TTN: variants seen among roughly 807,000 people sequenced by gnomAD.
TTN encodes the protein titin.
TTN carries 1,525 observed loss-of-function variants against 3,223.0 expected under a neutral mutation model. That is an observed-to-expected ratio of 0.47 (90% CI 0.45 to 0.49). The LOEUF (loss-of-function observed/expected upper bound fraction) is 0.49. TTN is among the 20% of genes least tolerant of loss of function. The pLI, the probability that TTN is intolerant of heterozygous loss-of-function variation, is 0.00. For synonymous variants in TTN, 14,094 were observed against 15,161.0 expected (o/e 0.93, Z 5.17); for missense variants, 40,786 against 43,424.0 (o/e 0.94, Z 5.40).
rs758389457 is a variant in TTN at position 178,611,398 on chromosome 2, T to C, written c.50831A>G (p.Glu16944Gly). 6.2e-7 allele frequency: 1 copy of C among 1,612,848 alleles called. No individual in the cohort carries two copies. Among genetic ancestry groups the C allele is most frequent in the South Asian group, 1.1e-5 (1 of 91,056 alleles). ...IGVSEPSEIS[E>G]NVVAKDPDCK... ...GTCTGGGTCTTTGGCAACCACATTT[T>C]CAGAGATTTCAGATGGCTCGCTGAC... The change falls in exon 269 of 363, where the codon GAA becomes GGA. Residue 16944 changes from glutamate (E) to glycine (G), a missense_variant. Physicochemically the swap from Glu to Gly is moderately conservative, Grantham distance 98. Transcript: ENST00000589042.
chr2:178,740,754 G>GT lies in TTN; in HGVS notation c.12478dup (p.Thr4160AsnfsTer11). On this transcript the variant is annotated frameshift_variant, in exon 48 of 363. Transcript: ENST00000589042. LOFTEE classifies it high-confidence loss of function. ...CATTAGAATACCTTCTTTGGAGAAG[G>GT]TTTTCTGGGACTGTACAATCTGCAG... 3.1e-6 allele frequency: 5 copies of GT among 1,613,740 alleles called. No homozygotes were observed. Among genetic ancestry groups the GT allele is most frequent in the Non-Finnish European group, 4.2e-6 (5 of 1,179,808 alleles).
At position 178,728,944 on chromosome 2, in the gene TTN, T is replaced by C. The variant is rs762632541; in HGVS notation, c.19094A>G (p.Gln6365Arg). The C allele has an allele frequency of 6.2e-7, 1 of 1,612,170 alleles. No homozygotes were observed. Among genetic ancestry groups the C allele is most frequent in the East Asian group, 2.2e-5 (1 of 44,780 alleles). Residue 6365 changes from glutamine (Q) to arginine (R), a missense_variant, in exon 65 of 363, where the codon CAA becomes CGA. By Grantham distance (43) the Gln-to-Arg change is conservative. Coordinates refer to ENST00000589042, the MANE Select transcript of TTN (RefSeq NM_001267550.2). ...CTCAACTCCTGACTCATTCTTGGCT[T>C]GACAGGTATATCTCCCACTGTGTCC... ...DNGHSGRYTC[Q>R]AKNESGVERC...
rs2093434288 is a variant in TTN, at chr2:178,790,618, A to C, written c.1800+90T>G. 4 of 1,595,274 alleles carry C rather than the reference A, an allele frequency of 2.5e-6. No individual in the cohort carries two copies. The Admixed American group carries it at 6.7e-5, about 27-fold the overall frequency. On this transcript the variant is annotated intron_variant, in intron 11 of 362. Transcript: ENST00000589042. Reference sequence around the variant, plus strand: ...ATTATAAGAAGAGGTGGAAGTGAAGAAGTGATGATTAAGATCCATGATGAA... The same window carrying C: ...ATTATAAGAAGAGGTGGAAGTGAAGCAGTGATGATTAAGATCCATGATGAA...
At chr2:178,747,879 G>T in intron 47 of TTN, 1 of 1,613,070 alleles carries the variant, frequency 6.2e-7, no homozygotes, top group African/African-American at 1.3e-5. Context: ...CCTGGATTCT[G>T]TTGTTCTTCA....
At position 178,740,918 on chromosome 2, in the gene TTN, A is replaced by G. The variant is rs761991185; in HGVS notation, c.12315T>C (p.Ser4105=). 6.2e-7 allele frequency: 1 copy of G among 1,613,908 alleles called. No homozygotes were observed. Among genetic ancestry groups the G allele is most frequent in the Non-Finnish European group, 8.5e-7 (1 of 1,179,844 alleles). The change falls in exon 48 of 363, where the codon AGT becomes AGC. Residue 4105 remains serine (S), a synonymous_variant. Coordinates refer to ENST00000589042, the MANE Select transcript of TTN (RefSeq NM_001267550.2). ...EHIAKANELS[S]QLPLGAQELQ... is the part of the protein sequence containing the mutation. ...ATTCCTGAGCTCCCAAAGGAAGCTG[A>G]CTGCTCAATTCATTGGCTTTAGCAA... is the stretch of plus-strand genomic sequence containing the variant.
chr2:178,531,886 C>G lies in TTN; in HGVS notation c.104729G>C (p.Arg34910Thr). 6.2e-7 allele frequency: 1 copy of G among 1,612,826 alleles called. No homozygotes were observed. Among genetic ancestry groups the G allele is most frequent in the Non-Finnish European group, 8.5e-7 (1 of 1,179,310 alleles). Residue 34910 changes from arginine to threonine, a missense_variant, in exon 358 of 363, where the codon AGG becomes ACG. Arg to Thr is a moderately conservative substitution (Grantham distance 71, BLOSUM62 -1). Coordinates refer to ENST00000589042, the MANE Select transcript of TTN (RefSeq NM_001267550.2). ...TAAAGCAGCTTTCATGGACTCATAC[C>G]TGGAAAAGATATCAAATCTTGCAGA... ...ERSARFDIFS[R>T]YESMKAALKT...
rs544542600 is a variant in TTN, at chr2:178,749,410, T to C, written c.11311+3714A>G. The C allele has an allele frequency of 3.9e-4, 625 of 1,613,146 alleles. 11 individuals are homozygous for C. In the South Asian group the frequency reaches 6.1e-3, roughly 16 times the overall value. ...CATGCACAAATCTGGGAATTTTTTC[T>C]CTAGAAGGTATGCAACGCACCTGCT... is the stretch of plus-strand genomic sequence containing the variant. On this transcript the variant is annotated intron_variant, in intron 47 of 362. Coordinates refer to ENST00000589042, the MANE Select transcript of TTN (RefSeq NM_001267550.2).
chr2:178,793,489 TCGG>T lies in TTN; in HGVS notation c.1448_1450del (p.Ala483del). On this transcript the variant is annotated inframe_deletion, in exon 9 of 363. Coordinates refer to ENST00000589042, the MANE Select transcript of TTN (RefSeq NM_001267550.2). ...TTTTAATTCTTGTTCCTTGGCTTTA[TCGG>T]CGGCCACTACTACCTTAGTTACAGC... is the stretch of plus-strand genomic sequence containing the variant. 6.2e-7 allele frequency: 1 copy of T among 1,614,188 alleles called. No individual in the cohort carries two copies. Among genetic ancestry groups the T allele is most frequent in the African/African-American group, 1.3e-5 (1 of 75,066 alleles).
At position 178,574,299 on chromosome 2, in the gene TTN, A is replaced by G. The variant is rs553796385; in HGVS notation, c.71833T>C (p.Trp23945Arg). The G allele has an allele frequency of 5.6e-6, 9 of 1,613,482 alleles. No homozygotes were observed. The South Asian group carries it at 9.9e-5, about 18-fold the overall frequency. ...CCCCCAGTATATTCAGGCTTAGCCC[A>G]TTTAAGTGTTACTGTGTGTCTTGTA... ...NITRHTVTLK[W>R]AKPEYTGGFK... Residue 23945 changes from tryptophan (W) to arginine (R), a missense_variant, in exon 326 of 363, where the codon TGG becomes CGG. Trp to Arg is a moderately radical substitution (Grantham distance 101). Transcript: ENST00000589042.
At chr2:178,803,667 A>G (rs1231959074) in intron 2 of TTN, among the ~76,000 whole-genome samples, 1 of 152,062 alleles carries the variant, frequency 6.6e-6, no homozygotes. Flanking sequence ...GAAGTGGGCA[A>G]TGAACCATGG....
Position 178,590,868 on chromosome 2 carries a change from T to C in TTN, c.60857A>G (p.Asn20286Ser), listed in dbSNP as rs553761018. 1.2e-6 allele frequency: 2 copies of C among 1,609,894 alleles called. No individual in the cohort carries two copies. The highest frequency in any genetic ancestry group is 1.7e-6 in the Non-Finnish European group (2 of 1,176,644). The part of the protein sequence containing the change: ...GKPVVTDITE[N>S]AATVSWTLPK... Reference sequence around the variant, plus strand: ...CAGGGTCCAAGACACTGTTGCTGCATTTTCAGTAATGTCAGTAACCACTGG... The same window carrying C: ...CAGGGTCCAAGACACTGTTGCTGCACTTTCAGTAATGTCAGTAACCACTGG... Residue 20286 changes from asparagine to serine, a missense_variant, in exon 304 of 363, where the codon AAT becomes AGT. Coordinates refer to ENST00000589042, the MANE Select transcript of TTN (RefSeq NM_001267550.2).
rs770705426 is a variant in TTN, at chr2:178,711,900, C to A, written c.27886+44G>T. On this transcript the variant is annotated intron_variant, in intron 96 of 362. Transcript: ENST00000589042. ...CTCCCCAGACATTTTAAATCTTGTT[C>A]AAAAGAAACACAAATTCGTTCACTT... is the stretch of plus-strand genomic sequence containing the variant. The A allele has an allele frequency of 3.9e-6, 6 of 1,521,680 alleles. No homozygotes were observed. In the South Asian group the frequency reaches 5.6e-5, roughly 14 times the overall value. The allele number at this position is 1,521,680 out of a possible 1,614,324, so 94.3% of individuals were successfully genotyped here. A position where few individuals can be genotyped will look rare whatever the true frequency, so the allele number is the denominator to read the frequency against.
chr2:178,597,648 C>G lies in TTN; in HGVS notation c.57434G>C (p.Ser19145Thr), dbSNP rs2154189870. 1.2e-6 allele frequency: 2 copies of G among 1,613,282 alleles called. No homozygotes were observed. The highest frequency in any genetic ancestry group is 1.3e-5 in the African/African-American group (1 of 75,006). ...QEATIETTAI[S>T]SSMVIKNCQR... ...GCAGTTCTTGATGACCATGGATGAG[C>G]TAATGGCTGTGGTCTCAATGGTGGC... is the stretch of plus-strand genomic sequence containing the variant. The change falls in exon 294 of 363, where the codon AGC becomes ACC. Residue 19145 changes from serine (S) to threonine (T), a missense_variant. By Grantham distance (58) the Ser-to-Thr change is moderately conservative (BLOSUM62 1). Coordinates refer to ENST00000589042, the MANE Select transcript of TTN (RefSeq NM_001267550.2).
At chr2:178,742,630 T>C (rs1266773757) in intron 47 of TTN, among the ~76,000 whole-genome samples, 2 of 152,118 alleles carry the variant, frequency 1.3e-5, no homozygotes, top group Admixed American at 1.3e-4. Context: ...AGAAAACCTA[T>C]ACAGAACCAC....
rs1369997735 is a variant in TTN, at chr2:178,573,829, G to T, written c.72303C>A (p.Thr24101=). ...DSTRRDSGAY[T]LTATNPGGFA... is the part of the protein sequence containing the mutation. ...AGCCACCAGGATTAGTCGCTGTAAGGGTATAGGCACCACTATCCCTTCTTG... is the reference window on the plus strand; with the variant it reads ...AGCCACCAGGATTAGTCGCTGTAAGTGTATAGGCACCACTATCCCTTCTTG... Residue 24101 remains threonine (T), a synonymous_variant, in exon 326 of 363, where the codon ACC becomes ACA. Transcript: ENST00000589042. 6.2e-7 allele frequency: 1 copy of T among 1,612,342 alleles called. No homozygotes were observed. Among genetic ancestry groups the T allele is most frequent in the East Asian group, 2.2e-5 (1 of 44,738 alleles).
intron 168 of TTN, 50 bp from the exon 169 acceptor site, chr2:178,664,148 A>G (rs2065402403): frequency 2.0e-6 from 3 of 1,514,114 alleles, no homozygotes; most frequent in East Asian, 2.3e-5. Flanking sequence ...AGATTACTAG[A>G]TAGATACAAA....
chr2:178,790,502 T>C (rs1190416896), intron 11 of TTN, among the ~76,000 whole-genome samples: 1 of 152,192 alleles, frequency 6.6e-6, no homozygotes, highest in Non-Finnish European at 1.5e-5. Context: ...AATTATTATA[T>C]TATATTAGTA....
chr2:178,629,208 A>C, intron 240 of TTN, 93 bp downstream of exon 240: 2 of 1,462,280 alleles, frequency 1.4e-6, no homozygotes, highest in Non-Finnish European at 1.8e-6. Flanking sequence ...AGAGGAAGAG[A>C]CATTAGAAAG....
In TTN at chr2:178,735,776, G is replaced by A. The variant is rs1260191732; in HGVS notation, c.14670C>T (p.Phe4890=). ...AELIIIDKPH[F]IKELEPVQSA... ...ACTGCACAGGCTCTAATTCTTTAATGAAATGTGGCTTATCAATGATGATCA... is the reference window on the plus strand; with the variant it reads ...ACTGCACAGGCTCTAATTCTTTAATAAAATGTGGCTTATCAATGATGATCA... Residue 4890 remains phenylalanine, a synonymous_variant, in exon 50 of 363, where the codon TTC becomes TTT. Coordinates refer to ENST00000589042, the MANE Select transcript of TTN (RefSeq NM_001267550.2). The A allele has an allele frequency of 5.0e-6, 8 of 1,613,598 alleles. No homozygotes were observed. In the Admixed American group the frequency reaches 1.3e-4, roughly 27 times the overall value.
Sources: allele counts gnomAD v4.1 joint callset (sites outside exome capture counted in the v4.1 genomes callset), GRCh38; gene constraint gnomAD v4.1.1; transcripts MANE v1.5; gene names NCBI Gene and HGNC (gene_info 2026-07-23, HGNC 2026-07-21).